The following DSE variants were observed in gnomAD, a reference collection of about 807,000 sequenced individuals.
DSE encodes the protein dermatan sulfate epimerase.
Under a neutral mutation model 84.4 loss-of-function variants are expected in DSE, and 36 were observed. The ratio of observed to expected loss-of-function variants is 0.43; its 90% CI spans 0.33 to 0.56. DSE has a LOEUF of 0.56. Among genes scored for constraint, DSE ranks in the 20% least tolerant of loss-of-function variants. The pLI, the probability that DSE is intolerant of heterozygous loss-of-function variation, is 0.06. For missense variants in DSE, 862 were observed against 1,169.6 expected, an observed-to-expected ratio of 0.74 and a Z score of 3.84; for synonymous variants, 410 against 430.1, an observed-to-expected ratio of 0.95 and a Z score of 0.58.
At chr6:116,386,685 C>A (rs1167485927) in intron 1 of DSE, among the ~76,000 whole-genome samples, 5 of 152,192 alleles carry the variant, frequency 3.3e-5, no homozygotes. Context: ...CATGAGTCAT[C>A]TAGTTAACTA....
At chr6:116,288,079 C>T (rs1223668401) in intron 2 of DSE, 2 of 151,976 alleles carry the variant, frequency 1.3e-5, no homozygotes, top group Non-Finnish European at 2.9e-5. Flanking sequence ...AAATTGTTTA[C>T]GTATCTCATA....
At position 116,299,502 on chromosome 6, in the gene DSE, TTTTATATATATATATATA is replaced by T. The variant is rs1338563393; in HGVS notation, c.-54+40537_-54+40554del. ...CATCCTGAAAGGCTTCTTGAATTAT[TTTTATATATATATATATA>T]TATATATATATATATATATATATAT... On this transcript the variant is annotated intron_variant, in intron 2 of 3. Transcript: ENST00000430252. 5.0e-3 allele frequency among the ~76,000 whole-genome samples: 238 copies of T among 47,514 alleles called. 14 individuals carry two copies. Among genetic ancestry groups the T allele is most frequent in the African/African-American group, 0.028 (193 of 6,970 alleles). 31.2% of individuals were successfully genotyped at this position (47,514 alleles called of 152,430 possible).
chr6:116,338,123 C>T (rs937155687), intron 2 of DSE, among the ~76,000 whole-genome samples: 3 of 151,712 alleles, frequency 2.0e-5, no homozygotes, highest in Non-Finnish European at 2.9e-5. Context: ...TTTGATACTC[C>T]GAATAACCTT....
chr6:116,428,391 A>G (rs1783588190), intron 3 of DSE, among the ~76,000 whole-genome samples: 2 of 152,190 alleles, frequency 1.3e-5, no homozygotes, highest in Non-Finnish European at 2.9e-5. Context: ...ATTTCCTTAA[A>G]TAAATTTTTA....
At chr6:116,383,628 C>T (rs2114953813) in intron 1 of DSE, among the ~76,000 whole-genome samples, 1 of 152,216 alleles carries the variant, frequency 6.6e-6, no homozygotes, top group African/African-American at 2.4e-5. Context: ...ATAATCATAC[C>T]TATTAAGCAC....
intron 2 of DSE, chr6:116,279,371 C>T (rs374966911): frequency 8.7e-6 from 14 of 1,612,362 alleles, no homozygotes; most frequent in Non-Finnish European, 1.2e-5. Flanking sequence ...GTCTTCACCT[C>T]CTCCGCCTCA....
chr6:116,435,852 C>G lies in DSE; in HGVS notation c.1384C>G (p.Pro462Ala), dbSNP rs766127141. 6.2e-7 allele frequency: 1 copy of G among 1,614,100 alleles called. No individual in the cohort carries two copies. The highest frequency in any genetic ancestry group is 8.5e-7 in the Non-Finnish European group (1 of 1,180,018). The change falls in exon 6 of 6, where the codon CCC becomes GCC. Residue 462 changes from proline (P) to alanine (A), a missense_variant. Transcript: ENST00000644252. The stretch of plus-strand genomic sequence containing the variant: ...TGATCAAAACTCATTTACTTTTGCT[C>G]CCAATGGTGTGCCTTTCATTACTGA... ...HPDQNSFTFA[P>A]NGVPFITEAL...
chr6:116,272,536 C>T (rs75252096), intron 2 of DSE, among the ~76,000 whole-genome samples: 2 of 152,292 alleles, frequency 1.3e-5, no homozygotes, highest in East Asian at 3.9e-4. Context: ...TATACTGAAA[C>T]TCTACGATAT....
At chr6:116,434,226 G>A (rs1784020541) in intron 5 of DSE, among the ~76,000 whole-genome samples, 1 of 152,066 alleles carries the variant, frequency 6.6e-6, no homozygotes. Context: ...TATGTTGTTG[G>A]CATCCAATAA....
chr6:116,319,762 G>A (rs989329388), intron 2 of DSE, among the ~76,000 whole-genome samples: 10 of 152,082 alleles, frequency 6.6e-5, no homozygotes, highest in Admixed American at 2.0e-4. Flanking sequence ...TTCATCTTTT[G>A]ATTCTTCCCT....
At chr6:116,394,982 G>A (rs531726926) in intron 1 of DSE, among the ~76,000 whole-genome samples, 18 of 152,362 alleles carry the variant, frequency 1.2e-4, no homozygotes, top group African/African-American at 4.3e-4. Flanking sequence ...GGGCCTGGGA[G>A]TGCTCTGCTG....
At chr6:116,281,387 G>T (rs1358246034) in intron 2 of DSE, among the ~76,000 whole-genome samples, 1 of 152,188 alleles carries the variant, frequency 6.6e-6, no homozygotes, top group South Asian at 2.1e-4. Context: ...TATTAAATTT[G>T]TGGTAATTTG....
rs1454162670 is a variant in DSE at position 116,294,021 on chromosome 6, ATTATT to A, written c.-54+35062_-54+35066del. The stretch of plus-strand genomic sequence containing the variant: ...AATATGTCTATTTTTAGAAAAATTT[ATTATT>A]TTATTTTCTATTTTTGAGACAAGGT... On this transcript the variant is annotated intron_variant, in intron 2 of 3. Transcript: ENST00000430252. Among the ~76,000 whole-genome samples, 39 of 151,800 alleles carry A rather than the reference ATTATT, an allele frequency of 2.6e-4. 1 individual carries two copies. The highest frequency in any genetic ancestry group is 9.0e-4 in the African/African-American group (37 of 41,276).
chr6:116,392,108 A>G (rs895454067), intron 1 of DSE, among the ~76,000 whole-genome samples: 3 of 152,238 alleles, frequency 2.0e-5, no homozygotes. Context: ...GTGAAATAGT[A>G]TGTGAGACCA....
At chr6:116,417,773 G>A (rs1247508382) in intron 2 of DSE, among the ~76,000 whole-genome samples, 2 of 152,098 alleles carry the variant, frequency 1.3e-5, no homozygotes, top group Non-Finnish European at 2.9e-5. Flanking sequence ...ATTGTTTCCA[G>A]AAAGGGCAAG....
chr6:116,370,776 T>C (rs995420725), upstream of DSE: 7 of 955,898 alleles, frequency 7.3e-6, no homozygotes, highest in African/African-American at 1.1e-4. Context: ...GGGCCTGCGG[T>C]CGGGGTTCGG....
At chr6:116,271,040 T>C (rs1188950809) in intron 2 of DSE, among the ~76,000 whole-genome samples, 2 of 152,254 alleles carry the variant, frequency 1.3e-5, no homozygotes, top group African/African-American at 2.4e-5. Context: ...CAGAATTAGA[T>C]ATCCAAAGCC....
intron 2 of DSE, among the ~76,000 whole-genome samples, chr6:116,353,545 C>T (rs1448700241): frequency 6.6e-6 from 1 of 152,192 alleles, no homozygotes; most frequent in Non-Finnish European, 1.5e-5. Context: ...AGCATTTACA[C>T]TTCCTAGCAT....
chr6:116,294,417 T>C (rs1477160825), intron 2 of DSE, among the ~76,000 whole-genome samples: 3 of 152,240 alleles, frequency 2.0e-5, no homozygotes, highest in Non-Finnish European at 4.4e-5. Flanking sequence ...CAGAATTGTA[T>C]TGACAGTAAC....
Sources: allele counts gnomAD v4.1 joint callset (sites outside exome capture counted in the v4.1 genomes callset), GRCh38; gene constraint gnomAD v4.1.1; transcripts MANE v1.5; gene names NCBI Gene and HGNC (gene_info 2026-07-23, HGNC 2026-07-21).